NBEA: variants seen among roughly 807,000 people sequenced by gnomAD.
The protein encoded by NBEA is lysosomal-trafficking regulator 2.
NBEA carries 44 observed loss-of-function variants against 343.4 expected under a neutral mutation model. That is an observed-to-expected ratio of 0.13 (90% CI 0.10 to 0.16). The LOEUF (loss-of-function observed/expected upper bound fraction) is 0.16, where lower values mean the gene tolerates loss of function less well. Ranked by LOEUF, NBEA falls within the 10% of genes least tolerant of loss-of-function variation. The probability of loss-of-function intolerance (pLI) is 1.00; values close to 1 mark genes in which losing one functional copy is unlikely to be tolerated. For missense variants in NBEA, 2,555 were observed against 3,631.3 expected (o/e 0.70, Z 7.62); for synonymous variants, 1,175 against 1,238.7 (o/e 0.95, Z 1.08).
chr13:35,019,031 T>C (rs1185223639), intron 1 of NBEA, among the ~76,000 whole-genome samples: 2 of 151,888 alleles, frequency 1.3e-5, no homozygotes, highest in Non-Finnish European at 2.9e-5. Flanking sequence ...TCAGCTGATA[T>C]GGGGAATTAT....
At chr13:35,280,573 T>G (rs1200082163) in intron 34 of NBEA, among the ~76,000 whole-genome samples, 1 of 152,138 alleles carries the variant, frequency 6.6e-6, no homozygotes, top group Non-Finnish European at 1.5e-5. Flanking sequence ...AAAAAGATTC[T>G]GAGATAATAC....
intron 39 of NBEA, among the ~76,000 whole-genome samples, chr13:35,440,821 T>G (rs538022120): frequency 5.3e-5 from 8 of 152,190 alleles, no homozygotes; most frequent in African/African-American, 1.9e-4. Context: ...TACAGTGTGT[T>G]GTAGTAAATA....
chr13:35,127,583 T>C (rs2067196708), intron 17 of NBEA, among the ~76,000 whole-genome samples: 1 of 152,146 alleles, frequency 6.6e-6, no homozygotes, highest in Non-Finnish European at 1.5e-5. Flanking sequence ...AATTTCCATG[T>C]AAGTGGACAG....
At chr13:35,362,269 G>T (rs1033601592) in intron 38 of NBEA, among the ~76,000 whole-genome samples, 1 of 151,882 alleles carries the variant, frequency 6.6e-6, no homozygotes, top group African/African-American at 2.4e-5. Flanking sequence ...AGAGTCTCAA[G>T]ACCATAAATT....
In NBEA at chr13:35,098,602, TA is replaced by T. The variant is rs557705684; in HGVS notation, c.1680+204del. On this transcript the variant is annotated intron_variant, in intron 11 of 58. Transcript: ENST00000379939. ...GGAAGTGTAATTAAGAAATTTTGAA[TA>T]AAAAAATCTAAATAAAAAATTTACA... Among the ~76,000 whole-genome samples, 43 of 152,254 alleles carry T rather than the reference TA, an allele frequency of 2.8e-4. No homozygotes were observed. In the South Asian group the frequency reaches 5.0e-3, roughly 18 times the overall value.
intron 18 of NBEA, among the ~76,000 whole-genome samples, chr13:35,151,727 A>C (rs1016583552): frequency 1.3e-5 from 2 of 152,200 alleles, no homozygotes; most frequent in Middle Eastern, 3.4e-3. Flanking sequence ...ATATACTAAG[A>C]AGTGAGTTAA....
intron 35 of NBEA, among the ~76,000 whole-genome samples, chr13:35,299,184 G>A (rs938355623): frequency 1.3e-5 from 2 of 151,996 alleles, no homozygotes; most frequent in Non-Finnish European, 2.9e-5. Context: ...AAAGATATCA[G>A]AAATATAAAA....
intron 36 of NBEA, among the ~76,000 whole-genome samples, chr13:35,322,409 C>A (rs986144437): frequency 1.3e-5 from 2 of 152,278 alleles, no homozygotes; most frequent in East Asian, 3.9e-4. Flanking sequence ...TGCTTCAGCT[C>A]ACCCACCGTG....
At chr13:35,574,623 C>T (rs1223707389) in intron 45 of NBEA, among the ~76,000 whole-genome samples, 2 of 151,932 alleles carry the variant, frequency 1.3e-5, no homozygotes, top group Non-Finnish European at 2.9e-5. Context: ...TGGTGGCTCA[C>T]GTCTGTAATC....
rs117016883 is a variant in NBEA, at chr13:35,016,724, A to G, written c.295-24209A>G. Among the ~76,000 whole-genome samples the G allele has an allele frequency of 3.3e-5, 5 of 152,322 alleles. No homozygotes were observed. The East Asian group carries it at 7.7e-4, about 23-fold the overall frequency. On this transcript the variant is annotated intron_variant, in intron 1 of 58. Transcript: ENST00000379939. ...TGTATTTTTATCCAGAATAATGGAG[A>G]CATACGGTATTTTAGGTAGTGTAGT...
intron 55 of NBEA, among the ~76,000 whole-genome samples, chr13:35,664,749 C>T (rs2085267411): frequency 6.6e-6 from 1 of 152,230 alleles, no homozygotes; most frequent in South Asian, 2.1e-4. Context: ...ACCATAAATA[C>T]ATGATGTAAC....
chr13:35,291,864 A>G (rs947187799), intron 35 of NBEA, among the ~76,000 whole-genome samples: 8 of 151,900 alleles, frequency 5.3e-5, no homozygotes, highest in African/African-American at 1.9e-4. Flanking sequence ...TGAGAAATTT[A>G]AGCTCTCTAT....
At chr13:35,039,239 G>A (rs948828909) in intron 1 of NBEA, among the ~76,000 whole-genome samples, 16 of 144,710 alleles carry the variant, frequency 1.1e-4, no homozygotes, top group Admixed American at 1.1e-3. Flanking sequence ...CTGGAGTCAG[G>A]GAGGGGTGGC....
rs567428767 is a variant in NBEA, at chr13:35,418,372, TAGA to T, written c.6180-13894_6180-13892del. On this transcript the variant is annotated intron_variant, in intron 38 of 58. Coordinates refer to ENST00000379939, the MANE Select transcript of NBEA (RefSeq NM_001385012.1). ...TAACTTATTATGTTGAAATACTAAA[TAGA>T]AGGAGTGATGCAGGAGGAGTTTAGC... Among the ~76,000 whole-genome samples, 12 of 152,128 alleles carry T rather than the reference TAGA, an allele frequency of 7.9e-5. No homozygotes were observed. In the South Asian group the frequency reaches 2.5e-3, roughly 32 times the overall value.
chr13:35,155,948 T>C (rs1282833993), intron 19 of NBEA, 93 bp downstream of exon 19: 1 of 1,483,722 alleles, frequency 6.7e-7, no homozygotes, highest in East Asian at 2.3e-5. Flanking sequence ...TAAATCATTA[T>C]GGTGTTTACC....
In NBEA at chr13:35,482,710, T is replaced by A. The variant is rs904765907; in HGVS notation, c.6585+10174T>A. 4.6e-5 allele frequency among the ~76,000 whole-genome samples: 7 copies of A among 151,804 alleles called. No homozygotes were observed. The East Asian group carries it at 1.3e-3, about 29-fold the overall frequency. On this transcript the variant is annotated intron_variant, in intron 41 of 58. Transcript: ENST00000379939. Reference sequence around the variant, plus strand: ...TTATTTTTTTTAAGTTAGATATGTCTGTGAAATTTATTTTTTTAAGTTAGA... The same window carrying A: ...TTATTTTTTTTAAGTTAGATATGTCAGTGAAATTTATTTTTTTAAGTTAGA...
chr13:35,104,834 C>A (rs778656776), intron 11 of NBEA, among the ~76,000 whole-genome samples: 1 of 151,726 alleles, frequency 6.6e-6, no homozygotes, highest in African/African-American at 2.4e-5. Flanking sequence ...GGTTATCCAG[C>A]GTATTCAATA....
chr13:35,653,584 C>A (rs1593481943), intron 53 of NBEA, among the ~76,000 whole-genome samples: 1 of 151,940 alleles, frequency 6.6e-6, no homozygotes, highest in Non-Finnish European at 1.5e-5. Context: ...GCCTGCCTGG[C>A]CCTCCCAGAG....
At chr13:35,007,329 T>A (rs1038822539) in intron 1 of NBEA, among the ~76,000 whole-genome samples, 7 of 152,028 alleles carry the variant, frequency 4.6e-5, no homozygotes, top group African/African-American at 1.4e-4. Flanking sequence ...TATGACTGAA[T>A]TTTTTTTGAT....
Sources: allele counts gnomAD v4.1 joint callset (sites outside exome capture counted in the v4.1 genomes callset), GRCh38; gene constraint gnomAD v4.1.1; transcripts MANE v1.5; gene names NCBI Gene and HGNC (gene_info 2026-07-23, HGNC 2026-07-21).